Variants in ZBTB44 observed in about 807,000 individuals in gnomAD.
ZBTB44 encodes the protein zinc finger and BTB domain-containing protein 44.
In ZBTB44, 15 loss-of-function variants were observed where a neutral mutation model predicts 54.0. The observed-to-expected ratio is 0.28, with a 90% CI of 0.19 to 0.43. The LOEUF (loss-of-function observed/expected upper bound fraction) is 0.43, where lower values mean the gene tolerates loss of function less well. ZBTB44 is among the 20% of genes least tolerant of loss of function. The probability of loss-of-function intolerance (pLI) is 1.00; values close to 1 mark genes in which losing one functional copy is unlikely to be tolerated. For synonymous variants in ZBTB44, 230 were observed against 250.1 expected (o/e 0.92, Z 0.76); for missense variants, 487 against 707.1 (o/e 0.69, Z 3.53).
chr11:130,265,514 A>C (rs1401960975), intron 1 of ZBTB44, among the ~76,000 whole-genome samples: 10 of 152,166 alleles, frequency 6.6e-5, no homozygotes, highest in Admixed American at 6.5e-4. Context: ...GAAATGATTA[A>C]GTTTAGTGAG....
At chr11:130,299,003 A>AC (rs1163408095) in intron 1 of ZBTB44, among the ~76,000 whole-genome samples, 2 of 152,020 alleles carry the variant, frequency 1.3e-5, no homozygotes, top group South Asian at 4.1e-4. Flanking sequence ...GGATTTGTTA[A>AC]CCCTGGGAGG....
intron 2 of ZBTB44, among the ~76,000 whole-genome samples, chr11:130,244,541 C>T (rs1954546603): frequency 6.6e-6 from 1 of 151,758 alleles, no homozygotes; most frequent in African/African-American, 2.4e-5. Context: ...GTGGCGGGTG[C>T]CTGTAGTCCC....
At position 130,261,684 on chromosome 11, in the gene ZBTB44, C is replaced by G. The variant is rs1938871996; in HGVS notation, c.190G>C (p.Ala64Pro). Residue 64 changes from alanine to proline, a missense_variant, in exon 2 of 8, where the codon GCC becomes CCC. Transcript: ENST00000357899. The surrounding 1 kb of genome is among the most constrained non-coding windows in gnomAD (Gnocchi z 4.8). ...DFFRTKLVGQAEDENKNVLDL... is the reference protein window; with the variant it reads ...DFFRTKLVGQPEDENKNVLDL... ...AACACATTCTTGTTCTCATCCTCGG[C>G]TTGGCCTACAAGTTTGGTGCGAAAG... is the stretch of plus-strand genomic sequence containing the variant. 1 of 1,613,926 alleles carries G rather than the reference C, an allele frequency of 6.2e-7. No homozygotes were observed. Among genetic ancestry groups the G allele is most frequent in the African/African-American group, 1.3e-5 (1 of 74,938 alleles).
At chr11:130,255,082 G>A (rs537113286) in intron 2 of ZBTB44, among the ~76,000 whole-genome samples, 1 of 123,102 alleles carries the variant, frequency 8.1e-6, no homozygotes, top group Non-Finnish European at 1.6e-5. Context: ...TGTGGGGCGG[G>A]GGGAGGGGGA....
chr11:130,249,009 C>G (rs1219793655), intron 2 of ZBTB44, among the ~76,000 whole-genome samples: 2 of 152,084 alleles, frequency 1.3e-5, no homozygotes, highest in African/African-American at 4.8e-5. Flanking sequence ...GAGGCTGAGG[C>G]AGGAGAATTG....
intron 1 of ZBTB44, among the ~76,000 whole-genome samples, chr11:130,271,712 T>C (rs1218287014): frequency 6.6e-6 from 1 of 152,242 alleles, no homozygotes; most frequent in Admixed American, 6.5e-5. Flanking sequence ...TCCGCATTTT[T>C]ATTATCTACA....
intron 1 of ZBTB44, among the ~76,000 whole-genome samples, chr11:130,313,906 A>AGG (rs1369110762): frequency 2.4e-5 from 2 of 83,430 alleles, no homozygotes; most frequent in Non-Finnish European, 5.8e-5. Flanking sequence ...AAAGGAAAAG[A>AGG]GGTGTGTGTG....
intron 2 of ZBTB44, among the ~76,000 whole-genome samples, chr11:130,243,883 C>T (rs1013288059): frequency 1.3e-5 from 2 of 152,032 alleles, no homozygotes; most frequent in Non-Finnish European, 2.9e-5. Context: ...GAACGTGTTA[C>T]AATACACACA....
intron 2 of ZBTB44, among the ~76,000 whole-genome samples, chr11:130,253,867 C>CAG (rs2136378706): frequency 6.6e-6 from 1 of 151,738 alleles, no homozygotes; most frequent in Non-Finnish European, 1.5e-5. Context: ...GGTACCAAAA[C>CAG]AGATATAGAC....
intron 1 of ZBTB44, among the ~76,000 whole-genome samples, chr11:130,301,582 T>G (rs1466884000): frequency 6.6e-6 from 1 of 152,144 alleles, no homozygotes; most frequent in African/African-American, 2.4e-5. Context: ...GAAGATGGCT[T>G]GAGCCTAGGA....
intron 1 of ZBTB44, among the ~76,000 whole-genome samples, chr11:130,300,563 A>G (rs1325015324): frequency 1.3e-5 from 2 of 152,216 alleles, no homozygotes; most frequent in African/African-American, 4.8e-5. Flanking sequence ...AAGGCGGGGT[A>G]TCAGAAGGGA....
chr11:130,249,204 G>C (rs1244668957), intron 2 of ZBTB44, among the ~76,000 whole-genome samples: 1 of 152,090 alleles, frequency 6.6e-6, no homozygotes, highest in Non-Finnish European at 1.5e-5. Flanking sequence ...CAATATCTTA[G>C]ATATTTAGAC....
At chr11:130,255,919 A>AAAAAAAAAAAAAAAAAAAATC (rs1555167098) in intron 2 of ZBTB44, among the ~76,000 whole-genome samples, 1 of 131,396 alleles carries the variant, frequency 7.6e-6, no homozygotes, top group African/African-American at 2.9e-5. Flanking sequence ...AAAAAAAAAA[A>AAAAAAAAAAAAAAAAAAAATC]AACACCCCTT....
chr11:130,307,802 TACTGGTGTA>T (rs1371278076), intron 1 of ZBTB44, among the ~76,000 whole-genome samples: 1 of 152,206 alleles, frequency 6.6e-6, no homozygotes, highest in African/African-American at 2.4e-5. Context: ...AACAGCATGG[TACTGGTGTA>T]ACCTTCCAGG....
In ZBTB44 at chr11:130,261,056, T is replaced by C. The variant is rs1409949851; in HGVS notation, c.818A>G (p.Glu273Gly). 1.2e-6 allele frequency: 2 copies of C among 1,613,924 alleles called. No individual in the cohort carries two copies. Among genetic ancestry groups the C allele is most frequent in the Admixed American group, 3.3e-5 (2 of 60,004 alleles). ...TAAAGGCAAGGTAGTTTTTGTGCTCTCACAAGTCACATAATCAGCCATTCT... is the reference window on the plus strand; with the variant it reads ...TAAAGGCAAGGTAGTTTTTGTGCTCCCACAAGTCACATAATCAGCCATTCT... Reference protein sequence around the residue: ...GRRMADYVTCESTKTTLPLGT... With the variant: ...GRRMADYVTCGSTKTTLPLGT... Residue 273 changes from glutamate (E) to glycine (G), a missense_variant, in exon 2 of 8, where the codon GAG (glutamate) becomes GGG (glycine). Physicochemically the swap from Glu to Gly is moderately conservative, Grantham distance 98. Around this residue, in one of 3 missense-constraint regions of ZBTB44, gnomAD observed 277 missense variants for 306.5 expected, o/e 0.90. Coordinates refer to ENST00000357899, the MANE Select transcript of ZBTB44 (RefSeq NM_001301098.2). This position sits in a 1 kb window ranked among gnomAD's most constrained non-coding sequence, Gnocchi z 4.8.
chr11:130,237,710 AAC>A (rs1272111279), intron 4 of ZBTB44, among the ~76,000 whole-genome samples: 3 of 152,228 alleles, frequency 2.0e-5, no homozygotes, highest in Non-Finnish European at 4.4e-5. Flanking sequence ...AACCTTTCAA[AAC>A]ACAGTCTACG....
At chr11:130,289,457 G>A (rs995643402) in intron 1 of ZBTB44, among the ~76,000 whole-genome samples, 2 of 151,012 alleles carry the variant, frequency 1.3e-5, no homozygotes, top group Admixed American at 6.6e-5. Context: ...TCCAGCTCCA[G>A]GGCAATAGAG....
intron 2 of ZBTB44, among the ~76,000 whole-genome samples, chr11:130,248,091 A>G (rs537487230): frequency 1.3e-5 from 2 of 152,342 alleles, no homozygotes; most frequent in East Asian, 1.9e-4. Context: ...ACTAAACATT[A>G]TATTTTCTAT....
At chr11:130,284,448 A>C (rs547427504) in intron 1 of ZBTB44, among the ~76,000 whole-genome samples, 3 of 152,252 alleles carry the variant, frequency 2.0e-5, no homozygotes, top group African/African-American at 7.2e-5. Flanking sequence ...AAAGCCCAGA[A>C]AAGTAAACCA....
Sources: allele counts gnomAD v4.1 joint callset (sites outside exome capture counted in the v4.1 genomes callset), GRCh38; gene constraint gnomAD v4.1.1; regional missense constraint gnomAD v4.1.1; non-coding constraint Gnocchi (gnomAD v3.1); transcripts MANE v1.5; gene names NCBI Gene and HGNC (gene_info 2026-07-23, HGNC 2026-07-21).